Variants in ERBB4 observed in about 807,000 individuals in gnomAD.
The protein encoded by ERBB4 is erb-b2 receptor tyrosine kinase 4.
ERBB4 carries 42 observed loss-of-function variants against 158.0 expected under a neutral mutation model. The observed-to-expected ratio is 0.27, with a 90% CI of 0.21 to 0.34. ERBB4 has a LOEUF of 0.34. Ranked by LOEUF, ERBB4 falls within the 10% of genes least tolerant of loss-of-function variation. ERBB4 has a pLI of 1.00. For missense variants in ERBB4, 1,333 were observed against 1,624.1 expected, an observed-to-expected ratio of 0.82 and a Z score of 3.08; for synonymous variants, 583 against 558.7, an observed-to-expected ratio of 1.04 and a Z score of -0.61.
intron 3 of ERBB4, among the ~76,000 whole-genome samples, chr2:211,883,395 A>G (rs1236645923): frequency 6.6e-6 from 1 of 152,216 alleles, no homozygotes; most frequent in African/African-American, 2.4e-5. Flanking sequence ...ATGTATACAT[A>G]TGTAACAAAC....
At chr2:212,253,694 T>C (rs1256918507) in intron 1 of ERBB4, among the ~76,000 whole-genome samples, 1 of 152,210 alleles carries the variant, frequency 6.6e-6, no homozygotes, top group African/African-American at 2.4e-5. Flanking sequence ...GATAAATTAA[T>C]CATTTCATGC....
At chr2:211,446,097 G>A (rs2064105914) in intron 20 of ERBB4, among the ~76,000 whole-genome samples, 1 of 152,172 alleles carries the variant, frequency 6.6e-6, no homozygotes, top group Admixed American at 6.5e-5. Flanking sequence ...AACATAAGTT[G>A]AGGATGAGAG....
chr2:211,483,084 G>A (rs2065124747), intron 20 of ERBB4, among the ~76,000 whole-genome samples: 1 of 151,824 alleles, frequency 6.6e-6, no homozygotes, highest in African/African-American at 2.4e-5. Context: ...GGGATAAAAA[G>A]CCTATTGGAT....
At chr2:211,686,169 C>G (rs2072556190) in intron 12 of ERBB4, among the ~76,000 whole-genome samples, 1 of 152,056 alleles carries the variant, frequency 6.6e-6, no homozygotes. Context: ...AGAGGTCTTT[C>G]TTTTCTTGTT....
At chr2:211,804,456 A>T (rs1357395105) in intron 3 of ERBB4, among the ~76,000 whole-genome samples, 1 of 152,128 alleles carries the variant, frequency 6.6e-6, no homozygotes, top group Non-Finnish European at 1.5e-5. Flanking sequence ...AAACAAATGA[A>T]TTGAGTGACT....
chr2:211,416,111 G>A (rs2063384800), intron 25 of ERBB4, among the ~76,000 whole-genome samples: 1 of 152,100 alleles, frequency 6.6e-6, no homozygotes, highest in Non-Finnish European at 1.5e-5. Context: ...GACTGGATGG[G>A]CTTGCAATTG....
chr2:212,072,355 A>G (rs932614665), intron 2 of ERBB4, among the ~76,000 whole-genome samples: 1 of 151,986 alleles, frequency 6.6e-6, no homozygotes, highest in Non-Finnish European at 1.5e-5. Context: ...GGTGAGTGAC[A>G]GGTAGTAGCG....
At chr2:211,676,600 C>A (rs1187074787) in intron 13 of ERBB4, among the ~76,000 whole-genome samples, 1 of 152,078 alleles carries the variant, frequency 6.6e-6, no homozygotes, top group Non-Finnish European at 1.5e-5. Context: ...GATGAAAAAT[C>A]AGATACCTTA....
At chr2:212,529,290 T>C (rs959264033) in intron 1 of ERBB4, among the ~76,000 whole-genome samples, 1 of 152,142 alleles carries the variant, frequency 6.6e-6, no homozygotes, top group Non-Finnish European at 1.5e-5. Flanking sequence ...AATACTGAAC[T>C]ACAAAATATT....
intron 3 of ERBB4, among the ~76,000 whole-genome samples, chr2:211,808,718 C>T (rs972709922): frequency 3.9e-5 from 6 of 152,114 alleles, no homozygotes; most frequent in Admixed American, 2.0e-4. Context: ...TCACTTCGGG[C>T]AGTATGGCCA....
intron 2 of ERBB4, among the ~76,000 whole-genome samples, chr2:212,067,969 T>C (rs888792874): frequency 6.6e-5 from 10 of 152,044 alleles, no homozygotes; most frequent in African/African-American, 2.4e-4. Flanking sequence ...TATATAGACT[T>C]AGATGCAAAA....
intron 20 of ERBB4, among the ~76,000 whole-genome samples, chr2:211,551,244 T>C (rs2067088340): frequency 6.6e-6 from 1 of 152,190 alleles, no homozygotes; most frequent in Non-Finnish European, 1.5e-5. Flanking sequence ...GCCGCTGACA[T>C]ACACAAAAGG....
intron 3 of ERBB4, among the ~76,000 whole-genome samples, chr2:211,828,744 T>C (rs1439243): frequency 0.23 from 35,155 of 151,900 alleles, 4,205 homozygotes; most frequent in South Asian, 0.33. Flanking sequence ...TTGGGAGTCC[T>C]TCCCACGGTC....
intron 7 of ERBB4, among the ~76,000 whole-genome samples, chr2:211,715,573 G>A (rs569704023): frequency 1.3e-5 from 2 of 152,266 alleles, no homozygotes; most frequent in African/African-American, 4.8e-5. Context: ...GGAGGTGAAT[G>A]AATCATGGGG....
intron 3 of ERBB4, among the ~76,000 whole-genome samples, chr2:211,924,284 T>C (rs1048817847): frequency 4.6e-5 from 7 of 152,120 alleles, no homozygotes; most frequent in African/African-American, 1.7e-4. Flanking sequence ...ACATGGAATT[T>C]CAAGAATTTT....
At chr2:211,701,932 T>A in intron 12 of ERBB4, 35 bp downstream of exon 12, 1 of 1,505,332 alleles carries the variant, frequency 6.6e-7, no homozygotes, top group Non-Finnish European at 9.2e-7. Context: ...AAAATTTAAG[T>A]TTCTATGTTT....
At chr2:211,716,362 C>CAAAAAAAAAAAAAAAAAAAAA (rs534486221) in intron 7 of ERBB4, among the ~76,000 whole-genome samples, 1 of 69,290 alleles carries the variant, frequency 1.4e-5, no homozygotes, top group African/African-American at 8.7e-5. Context: ...AACTCTGTCT[C>CAAAAAAAAAAAAAAAAAAAAA]AAAAAAAAAA....
chr2:211,379,915 T>C lies in ERBB4; in HGVS notation c.*3700A>G. 4.3e-6 allele frequency: 1 copy of C among 232,126 alleles called. No homozygotes were observed. Among genetic ancestry groups the C allele is most frequent in the Non-Finnish European group, 8.5e-6 (1 of 117,412 alleles). 14.4% of individuals were successfully genotyped at this position (232,126 alleles called of 1,614,324 possible). ...AAGCACATTAATAGTCCTTCCAACTTCATCTAGTAGCAGAGCCTCACACAG... is the reference window on the plus strand; with the variant it reads ...AAGCACATTAATAGTCCTTCCAACTCCATCTAGTAGCAGAGCCTCACACAG... On this transcript the variant is annotated 3_prime_UTR_variant, in exon 28 of 28. Transcript: ENST00000342788.
At chr2:211,723,280 T>C (rs1295208777) in intron 6 of ERBB4, among the ~76,000 whole-genome samples, 1 of 152,150 alleles carries the variant, frequency 6.6e-6, no homozygotes, top group Non-Finnish European at 1.5e-5. Context: ...TTTTATTACC[T>C]GAGAGGTAGG....
Sources: gnomAD v4.1 joint callset for allele counts (sites outside exome capture counted in the v4.1 genomes callset) on GRCh38, gnomAD v4.1.1 for gene constraint, MANE v1.5 for transcripts, NCBI Gene and HGNC (gene_info 2026-07-23, HGNC 2026-07-21) for gene names.